Variants in LDB2 observed in about 807,000 individuals in gnomAD.
LDB2 encodes LIM domain-binding protein 2.
In LDB2, 12 loss-of-function variants were observed where a neutral mutation model predicts 44.3. The ratio of observed to expected loss-of-function variants is 0.27; its 90% CI spans 0.17 to 0.44. The LOEUF (loss-of-function observed/expected upper bound fraction) is 0.44, where lower values mean the gene tolerates loss of function less well. LDB2 is among the 20% of genes least tolerant of loss of function. LDB2 has a pLI of 1.00. For missense variants in LDB2, 344 were observed against 473.5 expected (o/e 0.73, Z 2.54); for synonymous variants, 164 against 174.8 (o/e 0.94, Z 0.49).
intron 1 of LDB2, among the ~76,000 whole-genome samples, chr4:16,868,598 G>A (rs562877855): frequency 1.3e-5 from 2 of 152,310 alleles, no homozygotes; most frequent in East Asian, 1.9e-4. Flanking sequence ...TGCAGATTGT[G>A]TGAATGGATT....
intron 1 of LDB2, among the ~76,000 whole-genome samples, chr4:16,896,723 G>A (rs1725132906): frequency 6.6e-6 from 1 of 152,032 alleles, no homozygotes; most frequent in African/African-American, 2.4e-5. Flanking sequence ...ATTAATGTGT[G>A]CCTGAACTAT....
intron 2 of LDB2, among the ~76,000 whole-genome samples, chr4:16,726,066 A>G (rs1480365731): frequency 3.3e-5 from 5 of 151,508 alleles, no homozygotes; most frequent in African/African-American, 1.2e-4. Context: ...CATTTCATAT[A>G]AAATTTTTAT....
chr4:16,800,944 G>A (rs1393731170), intron 1 of LDB2, among the ~76,000 whole-genome samples: 11 of 152,206 alleles, frequency 7.2e-5, no homozygotes, highest in Admixed American at 3.9e-4. Flanking sequence ...CAGCGTGGTG[G>A]GATTACAGGC....
At chr4:16,665,095 G>A (rs1023482920) in intron 2 of LDB2, among the ~76,000 whole-genome samples, 2 of 152,096 alleles carry the variant, frequency 1.3e-5, no homozygotes, top group African/African-American at 4.8e-5. Flanking sequence ...GCAGCTGTAT[G>A]GGAGAGGGGG....
chr4:16,801,849 T>G (rs1305343441), intron 1 of LDB2, among the ~76,000 whole-genome samples: 1 of 152,182 alleles, frequency 6.6e-6, no homozygotes, highest in Non-Finnish European at 1.5e-5. Flanking sequence ...AAAGGTGCTT[T>G]CAGGAAAGAG....
At chr4:16,673,924 C>T (rs1745577009) in intron 2 of LDB2, among the ~76,000 whole-genome samples, 1 of 152,194 alleles carries the variant, frequency 6.6e-6, no homozygotes, top group Admixed American at 6.5e-5. Flanking sequence ...TTCTTCTCCA[C>T]TATCAAAAGA....
chr4:16,694,189 C>T (rs887417558), intron 2 of LDB2, among the ~76,000 whole-genome samples: 1 of 152,340 alleles, frequency 6.6e-6, no homozygotes, highest in Non-Finnish European at 1.5e-5. Flanking sequence ...TCCGCACATT[C>T]GGGATAACTT....
chr4:16,759,020 C>T (rs1561127510), intron 2 of LDB2, 138 bp downstream of exon 2: 4 of 594,068 alleles, frequency 6.7e-6, no homozygotes, highest in South Asian at 4.8e-5. Context: ...GACAATGACT[C>T]GATGAGAAGC....
chr4:16,774,264 T>A (rs1771406475), intron 1 of LDB2, among the ~76,000 whole-genome samples: 1 of 151,144 alleles, frequency 6.6e-6, no homozygotes, highest in African/African-American at 2.4e-5. Flanking sequence ...AAGGCTTCCA[T>A]CCTGTCCTGC....
At chr4:16,849,982 C>T (rs566854388) in intron 1 of LDB2, among the ~76,000 whole-genome samples, 13 of 152,292 alleles carry the variant, frequency 8.5e-5, no homozygotes, top group East Asian at 1.9e-4. Flanking sequence ...GAAGGTGAAG[C>T]GCTTTCATCT....
intron 2 of LDB2, among the ~76,000 whole-genome samples, chr4:16,662,722 A>G (rs985456723): frequency 6.6e-6 from 1 of 152,066 alleles, no homozygotes. Flanking sequence ...GTTCCCCTGA[A>G]CATGCTCTCT....
intron 2 of LDB2, among the ~76,000 whole-genome samples, chr4:16,746,693 AG>A (rs1266223570): frequency 6.6e-6 from 1 of 152,200 alleles, no homozygotes; most frequent in African/African-American, 2.4e-5. Flanking sequence ...AGGCTGAGGC[AG>A]GAGAATCACT....
intron 1 of LDB2, among the ~76,000 whole-genome samples, chr4:16,765,564 G>C (rs992164445): frequency 3.9e-5 from 6 of 152,192 alleles, no homozygotes; most frequent in Non-Finnish European, 8.8e-5. Context: ...TAAGGATAGG[G>C]AATGGACATT....
At chr4:16,881,400 G>C (rs1010589272) in intron 1 of LDB2, among the ~76,000 whole-genome samples, 3 of 152,178 alleles carry the variant, frequency 2.0e-5, no homozygotes, top group Non-Finnish European at 1.5e-5. Flanking sequence ...ACTTAGCTGT[G>C]GGACTAGCGA....
intron 1 of LDB2, among the ~76,000 whole-genome samples, chr4:16,852,294 G>A (rs1467576632): frequency 6.6e-6 from 1 of 152,170 alleles, no homozygotes; most frequent in Non-Finnish European, 1.5e-5. Flanking sequence ...TCCTACCCAT[G>A]ACTAGGGAGG....
Position 16,540,466 on chromosome 4 carries a change from T to A in LDB2, c.616-28362A>T, listed in dbSNP as rs116290585. Among the ~76,000 whole-genome samples, 470 of 152,338 alleles carry A rather than the reference T, an allele frequency of 3.1e-3. 1 individual carries two copies. Among genetic ancestry groups the A allele is most frequent in the African/African-American group, 0.011 (452 of 41,586 alleles). On this transcript the variant is annotated intron_variant, in intron 5 of 7. Coordinates refer to ENST00000304523, the MANE Select transcript of LDB2 (RefSeq NM_001290.5). Reference sequence around the variant, plus strand: ...TCCAGCATCCTAACTACTATAGTTCTCAAAAGGTTGGCATTTTTTCTACCT... The same window carrying A: ...TCCAGCATCCTAACTACTATAGTTCACAAAAGGTTGGCATTTTTTCTACCT...
At chr4:16,872,399 C>T (rs772486775) in intron 1 of LDB2, among the ~76,000 whole-genome samples, 7 of 152,028 alleles carry the variant, frequency 4.6e-5, no homozygotes, top group Non-Finnish European at 7.4e-5. Flanking sequence ...TGAGTTACTG[C>T]TCCTCAGAAT....
At chr4:16,645,485 CGAGAT>C (rs1736504133) in intron 2 of LDB2, among the ~76,000 whole-genome samples, 6 of 145,832 alleles carry the variant, frequency 4.1e-5, no homozygotes, top group Admixed American at 1.4e-4. Flanking sequence ...TGCAGTGAGC[CGAGAT>C]TGCGCCACTG....
intron 1 of LDB2, among the ~76,000 whole-genome samples, chr4:16,897,922 A>G (rs13136637): frequency 4.5e-4 from 8 of 17,680 alleles, no homozygotes; most frequent in African/African-American, 2.3e-3. Flanking sequence ...ATATATATAT[A>G]TATATATATA....
Sources: gnomAD v4.1 joint callset for allele counts (sites outside exome capture counted in the v4.1 genomes callset) on GRCh38, gnomAD v4.1.1 for gene constraint, MANE v1.5 for transcripts, NCBI Gene and HGNC (gene_info 2026-07-23, HGNC 2026-07-21) for gene names.